Variants in CHEK2 observed in about 807,000 individuals in gnomAD.
The protein encoded by CHEK2 is serine/threonine-protein kinase Chk2.
A neutral mutation model predicts 69.1 loss-of-function variants in CHEK2; 71 were observed. The observed-to-expected ratio is 1.03, with a 90% CI of 0.85 to 1.25. The LOEUF (loss-of-function observed/expected upper bound fraction) is 1.25, where lower values mean the gene tolerates loss of function less well. Among genes scored for constraint, CHEK2 ranks in the 50% most tolerant of loss-of-function variants. The probability of loss-of-function intolerance (pLI) is 0.00; values close to 1 mark genes in which losing one functional copy is unlikely to be tolerated. For missense variants in CHEK2, 664 were observed against 649.6 expected, an observed-to-expected ratio of 1.02 and a Z score of -0.24; for synonymous variants, 189 against 226.9, an observed-to-expected ratio of 0.83 and a Z score of 1.50.
chr22:28,723,411 A>C lies in CHEK2; in HGVS notation c.592+1566T>G, dbSNP rs374433589. Among the ~76,000 whole-genome samples, 11 of 150,890 alleles carry C rather than the reference A, an allele frequency of 7.3e-5. No individual in the cohort carries two copies. The East Asian group carries it at 1.0e-3, about 14-fold the overall frequency. Reference sequence around the variant, plus strand: ...CAGGAGATCGAGACCATCCTGGCTAAAACAGTGAAACCCCGTCTCTACTAA... The same window carrying C: ...CAGGAGATCGAGACCATCCTGGCTACAACAGTGAAACCCCGTCTCTACTAA... On this transcript the variant is annotated intron_variant, in intron 4 of 14. Transcript: ENST00000404276.
intron 1 of CHEK2, among the ~76,000 whole-genome samples, chr22:28,740,149 C>G (rs1342970834): frequency 3.3e-5 from 5 of 152,124 alleles, no homozygotes; most frequent in African/African-American, 1.2e-4. Context: ...TGCAGTGAGC[C>G]GAGATCGCAC....
At chr22:28,708,275 T>C (rs1303516265) in intron 7 of CHEK2, among the ~76,000 whole-genome samples, 1 of 151,558 alleles carries the variant, frequency 6.6e-6, no homozygotes, top group Admixed American at 6.6e-5. Context: ...GGAGTATCGC[T>C]TGGTCCCAGG....
chr22:28,737,414 G>A, intron 1 of CHEK2: 1 of 375,976 alleles, frequency 2.7e-6, no homozygotes, highest in South Asian at 2.2e-5. Flanking sequence ...TAAATATAAG[G>A]GTGACATGAA....
intron 9 of CHEK2, among the ~76,000 whole-genome samples, chr22:28,699,423 T>TGG (rs1328649498): frequency 3.0e-5 from 4 of 135,478 alleles, no homozygotes; most frequent in Non-Finnish European, 4.6e-5. Flanking sequence ...TGGAGCACAG[T>TGG]GGCATGATCT....
intron 2 of CHEK2, among the ~76,000 whole-genome samples, chr22:28,729,567 A>C (rs1024266241): frequency 5.0e-5 from 7 of 140,862 alleles, no homozygotes; most frequent in African/African-American, 1.8e-4. Flanking sequence ...AAAAAAAAAG[A>C]ATTAACCCAG....
chr22:28,713,197 T>G (rs1233511444), intron 5 of CHEK2, among the ~76,000 whole-genome samples: 1 of 152,250 alleles, frequency 6.6e-6, no homozygotes, highest in Non-Finnish European at 1.5e-5. Context: ...GTATCACAGT[T>G]TATCTATTCA....
At chr22:28,730,257 G>A (rs140190205) in intron 2 of CHEK2, among the ~76,000 whole-genome samples, 5 of 117,776 alleles carry the variant, frequency 4.2e-5, no homozygotes, top group South Asian at 3.4e-4. Flanking sequence ...AGGAGAGGAG[G>A]GGAGGGGAGG....
chr22:28,689,312 A>G (rs765523546), intron 13 of CHEK2, 97 bp from the exon 14 acceptor site: 1 of 894,534 alleles, frequency 1.1e-6, no homozygotes, highest in Non-Finnish European at 1.8e-6. Context: ...AGGGAGGAAA[A>G]ATGTCCGTCC....
intron 14 of CHEK2, among the ~76,000 whole-genome samples, chr22:28,688,834 T>A (rs1036895728): frequency 6.6e-6 from 1 of 152,208 alleles, no homozygotes; most frequent in African/African-American, 2.4e-5. Flanking sequence ...AATTTTAATT[T>A]GTTCAACAAA....
At chr22:28,717,330 A>G (rs1048359168) in intron 5 of CHEK2, among the ~76,000 whole-genome samples, 1 of 152,142 alleles carries the variant, frequency 6.6e-6, no homozygotes, top group Non-Finnish European at 1.5e-5. Context: ...GTGAGCTGAG[A>G]TCGTGCCACT....
At chr22:28,705,344 T>G (rs975731919) in intron 7 of CHEK2, among the ~76,000 whole-genome samples, 3 of 152,014 alleles carry the variant, frequency 2.0e-5, no homozygotes, top group African/African-American at 7.2e-5. Flanking sequence ...CCCAAAGTGT[T>G]GGGATTACAG....
Position 28,739,077 on chromosome 22 carries a change from T to C in CHEK2, c.-7+2692A>G, listed in dbSNP as rs566960341. Among the ~76,000 whole-genome samples the C allele has an allele frequency of 2.0e-5, 3 of 152,146 alleles. No homozygotes were observed. The South Asian group carries it at 6.2e-4, about 32-fold the overall frequency. On this transcript the variant is annotated intron_variant, in intron 1 of 14. Coordinates refer to ENST00000404276, the MANE Select transcript of CHEK2 (RefSeq NM_007194.4). ...TGAGGTCAGGAGTTCAAGACCAGCCTGGTCAACATGGCAAAACCACATCTC... is the reference window on the plus strand; with the variant it reads ...TGAGGTCAGGAGTTCAAGACCAGCCCGGTCAACATGGCAAAACCACATCTC...
In CHEK2 at chr22:28,696,942, T is replaced by G. The variant is rs1361935182; in HGVS notation, c.1054A>C (p.Asn352His). ...GIIHRDLKPE[N>H]VLLSSQEEDC... ...TCTTCTTGAGATGACAGTAAAACAT[T>G]CTCTGGCTTTAAGTCACGGTGTATA... Residue 352 changes from asparagine to histidine, a missense_variant, in exon 10 of 15, where the codon AAT becomes CAT. Coordinates refer to ENST00000404276, the MANE Select transcript of CHEK2 (RefSeq NM_007194.4). 1.2e-6 allele frequency: 2 copies of G among 1,613,578 alleles called. No homozygotes were observed. Among genetic ancestry groups the G allele is most frequent in the Admixed American group, 1.7e-5 (1 of 59,994 alleles).
At chr22:28,706,791 C>T (rs774691747) in intron 7 of CHEK2, among the ~76,000 whole-genome samples, 11 of 152,086 alleles carry the variant, frequency 7.2e-5, no homozygotes, top group East Asian at 1.9e-4. Context: ...TGGTGGTGGG[C>T]GCCTGTAATC....
intron 8 of CHEK2, among the ~76,000 whole-genome samples, chr22:28,700,342 G>C (rs935485980): frequency 6.6e-6 from 1 of 151,794 alleles, no homozygotes; most frequent in African/African-American, 2.4e-5. Context: ...CTCCCAAGTA[G>C]CTGGGATTAC....
intron 5 of CHEK2, among the ~76,000 whole-genome samples, chr22:28,718,647 C>T (rs2053662630): frequency 6.6e-6 from 1 of 151,324 alleles, no homozygotes; most frequent in Admixed American, 6.6e-5. Flanking sequence ...TTTGGGAGGC[C>T]GAGATGGGTG....
At chr22:28,694,001 T>G (rs756784988) in intron 13 of CHEK2, 31 bp downstream of exon 13, 3 of 1,424,880 alleles carry the variant, frequency 2.1e-6, no homozygotes, top group Non-Finnish European at 9.8e-7. Context: ...TCCCATGTAT[T>G]TTATGCTAGC....
In CHEK2 at chr22:28,695,839, T is replaced by C. The variant is rs560973106; in HGVS notation, c.1130A>G (p.Glu377Gly). ...ACATAAGGTTCTCATGAGAGAGGTC[T>C]CTCCCAAAATCTTGGAGTGCCCAAA... Reference protein sequence around the residue: ...TDFGHSKILGETSLMRTLCGT... With the variant: ...TDFGHSKILGGTSLMRTLCGT... The change falls in exon 11 of 15, where the codon GAG becomes GGG. Residue 377 changes from glutamate to glycine, a missense_variant. Coordinates refer to ENST00000404276, the MANE Select transcript of CHEK2 (RefSeq NM_007194.4). The C allele has an allele frequency of 9.9e-6, 16 of 1,613,730 alleles. No homozygotes were observed. The Admixed American group carries it at 1.0e-4, about 10-fold the overall frequency.
At chr22:28,713,352 T>A (rs909589248) in intron 5 of CHEK2, among the ~76,000 whole-genome samples, 1 of 151,560 alleles carries the variant, frequency 6.6e-6, no homozygotes, top group South Asian at 2.1e-4. Flanking sequence ...AACATTTATG[T>A]ACAAGTTTTC....
Sources: gnomAD v4.1 joint callset for allele counts (sites outside exome capture counted in the v4.1 genomes callset) on GRCh38, gnomAD v4.1.1 for gene constraint, MANE v1.5 for transcripts, NCBI Gene and HGNC (gene_info 2026-07-23, HGNC 2026-07-21) for gene names.